Variants in MIA2 observed in about 807,000 individuals in gnomAD.
MIA2 encodes the protein melanoma inhibitory activity protein 2.
Under a neutral mutation model 167.8 loss-of-function variants are expected in MIA2, and 127 were observed. That is an observed-to-expected ratio of 0.76 (90% CI 0.66 to 0.88). The LOEUF (loss-of-function observed/expected upper bound fraction) is 0.88. Ranked by LOEUF, MIA2 falls within the 40% of genes least tolerant of loss-of-function variation. MIA2 has a pLI of 0.00. For synonymous variants in MIA2, 552 were observed against 541.9 expected, an observed-to-expected ratio of 1.02 and a Z score of -0.26; for missense variants, 1,690 against 1,624.7, an observed-to-expected ratio of 1.04 and a Z score of -0.69.
downstream of MIA2, among the ~76,000 whole-genome samples, chr14:39,355,579 C>A (rs548482798): frequency 6.6e-6 from 1 of 152,042 alleles, no homozygotes; most frequent in Non-Finnish European, 1.5e-5. Flanking sequence ...GCCGGAACTT[C>A]GAACACTGTG....
rs765469607 is a variant in MIA2 at position 39,252,951 on chromosome 14, T to C, written c.1771T>C (p.Tyr591His). The C allele has an allele frequency of 1.9e-6, 3 of 1,606,736 alleles. No individual in the cohort carries two copies. In the South Asian group the frequency reaches 3.3e-5, roughly 18 times the overall value. Residue 591 changes from tyrosine (Y) to histidine (H), a missense_variant, in exon 5 of 29, where the codon TAT (tyrosine) becomes CAT (histidine). By Grantham distance (83) the Tyr-to-His change is moderately conservative. Transcript: ENST00000640607. ...STDNSLSSQN[Y>H]ISQKEDASEF... is the part of the protein sequence containing the mutation. ...TGATAACTCTTTGTCTTCTCAAAATTATATTTCTCAGAAAGGTAAGAAACA... is the reference window on the plus strand; with the variant it reads ...TGATAACTCTTTGTCTTCTCAAAATCATATTTCTCAGAAAGGTAAGAAACA...
At chr14:39,320,888 T>A in intron 23 of MIA2, 40 bp from the exon 24 acceptor site, 1 of 1,600,386 alleles carries the variant, frequency 6.2e-7, no homozygotes. Context: ...TGTAGCTAAG[T>A]GAAACTATGA....
chr14:39,314,042 G>C (rs1396154626), intron 19 of MIA2, among the ~76,000 whole-genome samples: 1 of 152,154 alleles, frequency 6.6e-6, no homozygotes, highest in Non-Finnish European at 1.5e-5. Flanking sequence ...AAAGTACCAA[G>C]TAACATTTTA....
rs539446066 is a variant in MIA2, at chr14:39,314,806, A to ATGTGTGTGTG, written c.3180+8_3180+9insGTGTGTGTGT. 4.7e-3 allele frequency: 6,439 copies of ATGTGTGTGTG among 1,377,734 alleles called. 343 individuals are homozygous for ATGTGTGTGTG. Among genetic ancestry groups the ATGTGTGTGTG allele is most frequent in the Middle Eastern group, 1.0e-2 (52 of 5,202 alleles). 85.3% of individuals were successfully genotyped at this position (1,377,734 alleles called of 1,614,324 possible). A position where few individuals can be genotyped will look rare whatever the true frequency, so the allele number is the denominator to read the frequency against. ...TCATTCTTATCAAGGGCAGGTATAT[A>ATGTGTGTGTG]TATATGTGTGTGTGTGTGTGTGTGT... On this transcript the variant is annotated splice_region_variant and intron_variant, in intron 20 of 28. Transcript: ENST00000640607.
chr14:39,285,398 C>T (rs1430949827), intron 9 of MIA2, among the ~76,000 whole-genome samples: 6 of 149,128 alleles, frequency 4.0e-5, no homozygotes, highest in Admixed American at 1.3e-4. Flanking sequence ...ACCTCCCTCC[C>T]GGAAGGGGCG....
At chr14:39,375,885 C>G (rs897230038) in intron 23 of MIA2, among the ~76,000 whole-genome samples, 3 of 152,106 alleles carry the variant, frequency 2.0e-5, no homozygotes, top group African/African-American at 7.2e-5. Flanking sequence ...CTTTTTAAAG[C>G]AGGATATTGT....
At chr14:39,266,802 T>C (rs1594771142) in intron 6 of MIA2, 92 of 625,004 alleles carry the variant, frequency 1.5e-4, no homozygotes, top group Non-Finnish European at 1.7e-4. Context: ...AGGAAAGCCT[T>C]GGGTGTCGGG....
chr14:39,302,351 T>C lies in MIA2; in HGVS notation c.2740+102T>C, dbSNP rs576738777. The C allele has an allele frequency of 7.5e-6, 10 of 1,336,450 alleles. No individual in the cohort carries two copies. In the South Asian group the frequency reaches 1.1e-4, roughly 15 times the overall value. The allele number at this position is 1,336,450 out of a possible 1,614,324, so 82.8% of individuals were successfully genotyped here. On this transcript the variant is annotated intron_variant, in intron 15 of 28. Coordinates refer to ENST00000640607, the MANE Select transcript of MIA2 (RefSeq NM_001329214.4). ...CCATGTTCTTTATATGCTTTTACTTTGGCACATTCTGTCTGTCTGTGACAC... is the reference window on the plus strand; with the variant it reads ...CCATGTTCTTTATATGCTTTTACTTCGGCACATTCTGTCTGTCTGTGACAC...
At chr14:39,238,532 T>C (rs1276374698) in intron 2 of MIA2, among the ~76,000 whole-genome samples, 4 of 152,056 alleles carry the variant, frequency 2.6e-5, no homozygotes, top group South Asian at 2.1e-4. Context: ...TGGTGGCTCA[T>C]GCCTGTAATA....
intron 9 of MIA2, among the ~76,000 whole-genome samples, chr14:39,285,369 C>T (rs867531732): frequency 0.011 from 1,586 of 150,218 alleles, 43 homozygotes; most frequent in African/African-American, 0.036. Context: ...GGGCGGCGGC[C>T]GGGCGGGGGC....
intron 23 of MIA2, among the ~76,000 whole-genome samples, chr14:39,372,369 G>A (rs2074966029): frequency 6.6e-6 from 1 of 152,110 alleles, no homozygotes. Context: ...TTTAGAAGTT[G>A]TTCTTACATC....
chr14:39,266,932 C>A, intron 6 of MIA2: 1 of 647,694 alleles, frequency 1.5e-6, no homozygotes, highest in Non-Finnish European at 1.9e-6. Flanking sequence ...TGGGACATAG[C>A]CCTGGTCTTT....
intron 6 of MIA2, among the ~76,000 whole-genome samples, chr14:39,268,244 A>G (rs1279045401): frequency 6.6e-6 from 1 of 152,148 alleles, no homozygotes; most frequent in Non-Finnish European, 1.5e-5. Context: ...CTTTAAAAAG[A>G]CCACTTAATT....
intron 23 of MIA2, among the ~76,000 whole-genome samples, chr14:39,380,624 C>CGG: frequency 1.4e-5 from 2 of 139,130 alleles, no homozygotes; most frequent in Non-Finnish European, 3.0e-5. Context: ...ACCCGGGAGG[C>CGG]GGAGGTTGCA....
At chr14:39,325,542 T>C (rs771524032) in intron 24 of MIA2, among the ~76,000 whole-genome samples, 21 of 146,496 alleles carry the variant, frequency 1.4e-4, no homozygotes, top group Admixed American at 1.1e-3. Context: ...TAATTTTTTG[T>C]ATTTTTAGTA....
rs1566747448 is a variant in MIA2 at position 39,288,455 on chromosome 14, A to ATTTTTTT, written c.2131-2563_2131-2562insTTTTTTT. ...TACATATATATATATATATATATAT[A>ATTTTTTT]TATATATATATATATATATATTTTT... On this transcript the variant is annotated intron_variant, in intron 9 of 28. Transcript: ENST00000640607. Among the ~76,000 whole-genome samples the ATTTTTTT allele has an allele frequency of 7.0e-4, 11 of 15,780 alleles. 2 individuals carry two copies. Among genetic ancestry groups the ATTTTTTT allele is most frequent in the African/African-American group, 1.3e-3 (8 of 6,216 alleles). 10.4% of individuals were successfully genotyped at this position (15,780 alleles called of 152,430 possible).
chr14:39,353,898 G>C (rs959979843), downstream of MIA2, among the ~76,000 whole-genome samples: 2 of 152,226 alleles, frequency 1.3e-5, no homozygotes, highest in African/African-American at 2.4e-5. Flanking sequence ...GTGAACTCAT[G>C]ATTTTTTATG....
Position 39,299,305 on chromosome 14 carries a change from C to CTTTTTTTTTT in MIA2, c.2497-547_2497-538dup, listed in dbSNP as rs34424266. 1.1e-3 allele frequency among the ~76,000 whole-genome samples: 109 copies of CTTTTTTTTTT among 95,108 alleles called. 5 individuals are homozygous for CTTTTTTTTTT. The highest frequency in any genetic ancestry group is 9.4e-3 in the Middle Eastern group (1 of 106). 62.4% of individuals were successfully genotyped at this position (95,108 alleles called of 152,430 possible). On this transcript the variant is annotated intron_variant, in intron 13 of 28. Coordinates refer to ENST00000640607, the MANE Select transcript of MIA2 (RefSeq NM_001329214.4). ...GATCTGTTCTAGATTAATGGTATTT[C>CTTTTTTTTTT]TTTTTTTTTTTTTTTTTTTTTGAGA...
rs143110435 is a variant in MIA2 at position 39,337,682 on chromosome 14, C to G, written c.3656-8222C>G. 7.5e-4 allele frequency among the ~76,000 whole-genome samples: 114 copies of G among 152,200 alleles called. No individual in the cohort carries two copies. The East Asian group carries it at 0.019, about 25-fold the overall frequency. On this transcript the variant is annotated intron_variant, in intron 25 of 28. Transcript: ENST00000640607. ...CAATGGTTGAGTGAAGAAAACCAGT[C>G]TCAAAAGTTTACATACTGTGTTATT...
Sources: allele counts gnomAD v4.1 joint callset (sites outside exome capture counted in the v4.1 genomes callset), GRCh38; gene constraint gnomAD v4.1.1; transcripts MANE v1.5; gene names NCBI Gene and HGNC (gene_info 2026-07-23, HGNC 2026-07-21).